Variants in TCP11L1 observed in about 807,000 individuals in gnomAD.
TCP11L1 encodes T-complex protein 11-like protein 1.
A neutral mutation model predicts 48.9 loss-of-function variants in TCP11L1; 28 were observed. The observed-to-expected ratio is 0.57, with a 90% CI of 0.42 to 0.78. The LOEUF (loss-of-function observed/expected upper bound fraction) is 0.78. TCP11L1 is among the 30% of genes least tolerant of loss of function. The probability of loss-of-function intolerance (pLI) is 0.00; values close to 1 mark genes in which losing one functional copy is unlikely to be tolerated. For missense variants in TCP11L1, 505 were observed against 613.4 expected, an observed-to-expected ratio of 0.82 and a Z score of 1.87; for synonymous variants, 204 against 231.9, an observed-to-expected ratio of 0.88 and a Z score of 1.09.
In TCP11L1 at chr11:33,065,819, A is replaced by C. The variant is rs930765803; in HGVS notation, c.973-11A>C. 1 of 1,612,064 alleles carries C rather than the reference A, an allele frequency of 6.2e-7. No homozygotes were observed. Among genetic ancestry groups the C allele is most frequent in the African/African-American group, 1.3e-5 (1 of 74,862 alleles). ...CTGCAGCTCAGCGATGGCCTCTTCT[A>C]TTCATTACAGACAGTTTTAATGGAC... On this transcript the variant is annotated splice_polypyrimidine_tract_variant and intron_variant, in intron 7 of 9. Transcript: ENST00000334274.
At chr11:33,070,671 G>T (rs1469959010) in intron 9 of TCP11L1, among the ~76,000 whole-genome samples, 1 of 141,174 alleles carries the variant, frequency 7.1e-6, no homozygotes, top group African/African-American at 2.6e-5. Flanking sequence ...GGCAATAAGA[G>T]CTAAAGTCTG....
intron 2 of TCP11L1, among the ~76,000 whole-genome samples, chr11:33,048,156 C>G (rs1219345027): frequency 1.3e-5 from 2 of 151,848 alleles, no homozygotes; most frequent in African/African-American, 4.8e-5. Context: ...GTAAGATAAA[C>G]TCCAGGGTAA....
At chr11:33,055,566 A>G (rs1854286318) in intron 3 of TCP11L1, among the ~76,000 whole-genome samples, 1 of 152,294 alleles carries the variant, frequency 6.6e-6, no homozygotes, top group South Asian at 2.1e-4. Flanking sequence ...AAGGGAATGA[A>G]CTGCTGTGAT....
chr11:33,050,479 G>T (rs1052546379), intron 2 of TCP11L1, among the ~76,000 whole-genome samples: 1 of 152,038 alleles, frequency 6.6e-6, no homozygotes, highest in African/African-American at 2.4e-5. Flanking sequence ...ACTGATAACA[G>T]AAATAATTTA....
rs577627875 is a variant in TCP11L1, at chr11:33,044,144, A to G, written c.163+208A>G. The stretch of plus-strand genomic sequence containing the variant: ...CATGGGAAATTAACAATTTAGAATA[A>G]TGTCCAGAACGTTCCTGTCTTTCTC... On this transcript the variant is annotated intron_variant, in intron 2 of 9. Coordinates refer to ENST00000334274, the MANE Select transcript of TCP11L1 (RefSeq NM_018393.4). The G allele has an allele frequency of 1.0e-5, 5 of 478,184 alleles. No homozygotes were observed. The South Asian group carries it at 1.1e-4, about 11-fold the overall frequency. 29.6% of individuals were successfully genotyped at this position (478,184 alleles called of 1,614,324 possible).
chr11:33,068,663 C>G (rs1387187106), intron 8 of TCP11L1, 24 bp from the exon 9 acceptor site: 2 of 1,609,482 alleles, frequency 1.2e-6, no homozygotes, highest in Non-Finnish European at 1.7e-6. Flanking sequence ...ACTTATAGGC[C>G]CTTTCTCCCC....
Position 33,069,365 on chromosome 11 carries a change from ATAACT to A in TCP11L1, c.1327+510_1327+514del, listed in dbSNP as rs950074851. Among the ~76,000 whole-genome samples the A allele has an allele frequency of 3.4e-4, 52 of 151,710 alleles. No homozygotes were observed. The East Asian group carries it at 4.2e-3, about 12-fold the overall frequency. On this transcript the variant is annotated intron_variant, in intron 9 of 9. Coordinates refer to ENST00000334274, the MANE Select transcript of TCP11L1 (RefSeq NM_018393.4). Reference sequence around the variant, plus strand: ...TAATACTATTAACATATCAAATATAATAACTTAAAATGGTAATATTAAGATATTGC... The same window carrying A: ...TAATACTATTAACATATCAAATATAATAAAATGGTAATATTAAGATATTGC...
At chr11:33,058,457 C>T (rs573890508) in intron 5 of TCP11L1, among the ~76,000 whole-genome samples, 4 of 151,590 alleles carry the variant, frequency 2.6e-5, no homozygotes, top group African/African-American at 9.7e-5. Flanking sequence ...CTTGGCCTCC[C>T]AAAGTGCTGG....
rs1394408330 is a variant in TCP11L1, at chr11:33,049,770, C to G, written c.164-4823C>G. Among the ~76,000 whole-genome samples the G allele has an allele frequency of 2.0e-5, 3 of 152,172 alleles. No individual in the cohort carries two copies. In the East Asian group the frequency reaches 5.8e-4, roughly 29 times the overall value. ...GGTTTTACACCAAGACATTCTATTG[C>G]CCAGGGATGAGCAGGAGACAGATGC... On this transcript the variant is annotated intron_variant, in intron 2 of 9. Transcript: ENST00000334274.
Position 33,058,202 on chromosome 11 carries a change from T to C in TCP11L1, c.638+63T>C. Reference sequence around the variant, plus strand: ...ATTCAGAGGCATTTTCTTTTTTTTCTTTTCTTTTTTTTTTGAGACAGAGTC... The same window carrying C: ...ATTCAGAGGCATTTTCTTTTTTTTCCTTTCTTTTTTTTTTGAGACAGAGTC... On this transcript the variant is annotated intron_variant, in intron 5 of 9. Coordinates refer to ENST00000334274, the MANE Select transcript of TCP11L1 (RefSeq NM_018393.4). The C allele has an allele frequency of 1.5e-6, 2 of 1,338,296 alleles. 1 individual carries two copies. The highest frequency in any genetic ancestry group is 3.0e-5 in the South Asian group (2 of 66,676). The allele number at this position is 1,338,296 out of a possible 1,614,324, so 82.9% of individuals were successfully genotyped here.
intron 7 of TCP11L1, 82 bp downstream of exon 7, chr11:33,061,808 C>T (rs1021993899): frequency 2.2e-5 from 30 of 1,365,286 alleles, no homozygotes; most frequent in Middle Eastern, 2.3e-4. Flanking sequence ...TGGCCAGGCA[C>T]GGTGGCTCAC....
intron 3 of TCP11L1, among the ~76,000 whole-genome samples, 159 bp downstream of exon 3, chr11:33,054,884 A>G (rs1161602457): frequency 6.6e-6 from 1 of 152,280 alleles, no homozygotes; most frequent in African/African-American, 2.4e-5. Context: ...TAAAAATCAA[A>G]TAAAAGCTCT....
In TCP11L1 at chr11:33,054,703, C is replaced by A; in HGVS notation, c.274C>A (p.Pro92Thr). ...IVVNGDFQIK[P>T]VELPENSLKK... ...AGTAAATGGAGACTTTCAGATTAAA[C>A]CAGTTGAATTACCAGAAAACAGGTA... The change falls in exon 3 of 10, where the codon CCA becomes ACA. Residue 92 changes from proline (P) to threonine (T), a missense_variant. Pro to Thr is a conservative substitution (Grantham distance 38). Transcript: ENST00000334274. 6.2e-7 allele frequency: 1 copy of A among 1,613,256 alleles called. No homozygotes were observed. The highest frequency in any genetic ancestry group is 1.1e-5 in the South Asian group (1 of 90,818).
intron 2 of TCP11L1, among the ~76,000 whole-genome samples, chr11:33,048,255 C>G (rs930470016): frequency 4.0e-5 from 6 of 151,606 alleles, no homozygotes; most frequent in African/African-American, 7.3e-5. Flanking sequence ...TCAAGTGATT[C>G]ACCCACCTCA....
At chr11:33,050,091 A>T (rs1443100016) in intron 2 of TCP11L1, among the ~76,000 whole-genome samples, 1 of 152,256 alleles carries the variant, frequency 6.6e-6, no homozygotes, top group Non-Finnish European at 1.5e-5. Flanking sequence ...CACATCCTGC[A>T]TAGCCCTAAA....
chr11:33,071,026 G>A (rs1854774283), intron 9 of TCP11L1, among the ~76,000 whole-genome samples: 1 of 151,616 alleles, frequency 6.6e-6, no homozygotes, highest in African/African-American at 2.4e-5. Context: ...AAGAAGAAGG[G>A]TGATAGGGCT....
chr11:33,044,554 G>A (rs896466097), intron 2 of TCP11L1, among the ~76,000 whole-genome samples: 1 of 152,166 alleles, frequency 6.6e-6, no homozygotes, highest in Non-Finnish European at 1.5e-5. Flanking sequence ...TTTTAAGAGG[G>A]AATGTCATAG....
intron 1 of TCP11L1, among the ~76,000 whole-genome samples, chr11:33,042,351 C>T (rs190587819): frequency 2.5e-3 from 376 of 152,218 alleles, no homozygotes; most frequent in African/African-American, 8.6e-3. Context: ...AGGATGGTCT[C>T]GATCTCTTGA....
intron 2 of TCP11L1, among the ~76,000 whole-genome samples, chr11:33,045,846 G>T (rs773207879): frequency 1.3e-5 from 2 of 152,250 alleles, no homozygotes; most frequent in Non-Finnish European, 2.9e-5. Flanking sequence ...CAAAGAAGCA[G>T]GTGGTGAGGA....
Sources: gnomAD v4.1 joint callset for allele counts (sites outside exome capture counted in the v4.1 genomes callset) on GRCh38, gnomAD v4.1.1 for gene constraint, MANE v1.5 for transcripts, NCBI Gene and HGNC (gene_info 2026-07-23, HGNC 2026-07-21) for gene names.